Variants in PCDH17 observed in about 807,000 individuals in gnomAD.
PCDH17 encodes the protein protocadherin-17.
Under a neutral mutation model 67.7 loss-of-function variants are expected in PCDH17, and 21 were observed. The observed-to-expected ratio is 0.31, with a 90% CI of 0.22 to 0.45. PCDH17 has a LOEUF of 0.45. Among genes scored for constraint, PCDH17 ranks in the 20% least tolerant of loss-of-function variants. PCDH17 has a pLI of 1.00. For missense variants in PCDH17, 1,471 were observed against 1,564.8 expected, an observed-to-expected ratio of 0.94 and a Z score of 1.01; for synonymous variants, 701 against 656.7, an observed-to-expected ratio of 1.07 and a Z score of -1.03.
At chr13:57,704,838 A>G (rs1955705086) in intron 3 of PCDH17, among the ~76,000 whole-genome samples, 1 of 152,104 alleles carries the variant, frequency 6.6e-6, no homozygotes, top group Non-Finnish European at 1.5e-5. Context: ...GAGGTATGTT[A>G]TGTAACTTGG....
At chr13:57,690,334 G>C (rs1955546950) in intron 3 of PCDH17, among the ~76,000 whole-genome samples, 1 of 151,702 alleles carries the variant, frequency 6.6e-6, no homozygotes, top group East Asian at 1.9e-4. Flanking sequence ...ATCTCTAAAA[G>C]TGGCAACACA....
At chr13:57,643,815 A>T (rs1477424693) in intron 1 of PCDH17, among the ~76,000 whole-genome samples, 1 of 151,598 alleles carries the variant, frequency 6.6e-6, no homozygotes, top group African/African-American at 2.4e-5. Flanking sequence ...TATATTAATG[A>T]ATTTTTTTAT....
chr13:57,720,950 A>T (rs1955867354), intron 3 of PCDH17, among the ~76,000 whole-genome samples: 1 of 152,186 alleles, frequency 6.6e-6, no homozygotes, highest in African/African-American at 2.4e-5. Flanking sequence ...GTGATTCTTA[A>T]TACTAAACAA....
chr13:57,648,827 G>A (rs1415900901), intron 1 of PCDH17, among the ~76,000 whole-genome samples: 2 of 151,986 alleles, frequency 1.3e-5, no homozygotes, highest in East Asian at 3.8e-4. Flanking sequence ...ATTTCAGGTG[G>A]TTATCTTGAG....
At position 57,635,012 on chromosome 13, in the gene PCDH17, C is replaced by T. The variant is rs1566215040; in HGVS notation, c.2466C>T (p.Asn822=). 1 of 1,613,648 alleles carries T rather than the reference C, an allele frequency of 6.2e-7. No individual in the cohort carries two copies. The change falls in exon 1 of 4, where the codon AAC becomes AAT. Residue 822 remains asparagine, a synonymous_variant. Coordinates refer to ENST00000377918, the MANE Select transcript of PCDH17 (RefSeq NM_001040429.3). ...TGTATCTCAAACCGGCCTCCAACAA[C>T]CTGACTGTCCCTCAGGGGCACGCGG... The part of the protein sequence containing the change: ...EVMYLKPASN[N]LTVPQGHAGC...
intron 1 of PCDH17, among the ~76,000 whole-genome samples, chr13:57,656,846 G>C (rs1310405333): frequency 6.6e-6 from 1 of 152,158 alleles, no homozygotes; most frequent in African/African-American, 2.4e-5. Context: ...GTTGGAGTTA[G>C]CAGTCTTTAA....
chr13:57,676,844 A>C (rs900359860), intron 3 of PCDH17, among the ~76,000 whole-genome samples: 1 of 151,906 alleles, frequency 6.6e-6, no homozygotes, highest in Non-Finnish European at 1.5e-5. Flanking sequence ...TTTCTATTTA[A>C]AATAAAATAT....
At chr13:57,660,951 C>G (rs1292008652) in intron 1 of PCDH17, among the ~76,000 whole-genome samples, 1 of 152,074 alleles carries the variant, frequency 6.6e-6, no homozygotes, top group African/African-American at 2.4e-5. Flanking sequence ...GATACCTAGG[C>G]TGATTCCAGT....
At position 57,725,184 on chromosome 13, in the gene PCDH17, C is replaced by A; in HGVS notation, c.3370C>A (p.Pro1124Thr). The A allele has an allele frequency of 1.2e-6, 2 of 1,614,058 alleles. No individual in the cohort carries two copies. The highest frequency in any genetic ancestry group is 2.2e-5 in the East Asian group (1 of 44,860). The change falls in exon 4 of 4, where the codon CCC becomes ACC. Residue 1124 changes from proline (P) to threonine (T), a missense_variant. Physicochemically the swap from Pro to Thr is conservative, Grantham distance 38 (BLOSUM62 -1). Coordinates refer to ENST00000377918, the MANE Select transcript of PCDH17 (RefSeq NM_001040429.3). ...TGCTGTTCTTGAGCAGCTTGACCAC[C>A]CCAACAGGGATCTGGGCAGAGAGTC... Reference protein sequence around the residue: ...MGAVLEQLDHPNRDLGRESVD... With the variant: ...MGAVLEQLDHTNRDLGRESVD...
chr13:57,711,992 T>G (rs1010657475), intron 3 of PCDH17, among the ~76,000 whole-genome samples: 3 of 151,520 alleles, frequency 2.0e-5, no homozygotes, highest in African/African-American at 7.2e-5. Flanking sequence ...ACAACTATAC[T>G]CAATAAGAAA....
At chr13:57,642,626 A>T (rs577596299) in intron 1 of PCDH17, among the ~76,000 whole-genome samples, 1 of 151,694 alleles carries the variant, frequency 6.6e-6, no homozygotes, top group African/African-American at 2.4e-5. Flanking sequence ...ACATCTCATT[A>T]TCTAGGATTT....
At chr13:57,675,335 A>G (rs897755147) in intron 3 of PCDH17, among the ~76,000 whole-genome samples, 5 of 151,946 alleles carry the variant, frequency 3.3e-5, no homozygotes, top group African/African-American at 1.2e-4. Context: ...TCATGGAAAC[A>G]GGAAAGCTTT....
chr13:57,663,474 A>G (rs1239298073), intron 1 of PCDH17, among the ~76,000 whole-genome samples: 1 of 152,202 alleles, frequency 6.6e-6, no homozygotes, highest in Non-Finnish European at 1.5e-5. Context: ...TGGTGCTGTC[A>G]TACATATGGC....
At chr13:57,672,525 A>T (rs577916088) in intron 3 of PCDH17, among the ~76,000 whole-genome samples, 1 of 152,010 alleles carries the variant, frequency 6.6e-6, no homozygotes, top group Non-Finnish European at 1.5e-5. Flanking sequence ...TTTACCATGA[A>T]GGAACTATTT....
At chr13:57,676,074 A>G (rs1955388381) in intron 3 of PCDH17, among the ~76,000 whole-genome samples, 1 of 151,946 alleles carries the variant, frequency 6.6e-6, no homozygotes, top group African/African-American at 2.4e-5. Flanking sequence ...TGTCTAACTA[A>G]ATGGAATATT....
intron 1 of PCDH17, among the ~76,000 whole-genome samples, chr13:57,658,764 GTTTGTTTTGT>G (rs61473114): frequency 4.4e-4 from 66 of 150,124 alleles, no homozygotes; most frequent in East Asian, 1.2e-3. Flanking sequence ...TTTTTCGTTT[GTTTGTTTTGT>G]TTTGTTTTGT....
Position 57,634,833 on chromosome 13 carries a change from A to G in PCDH17, c.2287A>G (p.Asn763Asp). 1 of 1,614,124 alleles carries G rather than the reference A, an allele frequency of 6.2e-7. No individual in the cohort carries two copies. Among genetic ancestry groups the G allele is most frequent in the Non-Finnish European group, 8.5e-7 (1 of 1,180,032 alleles). ...GGGKGKKKKINKNDIMLVQSE... is the reference protein window; with the variant it reads ...GGGKGKKKKIDKNDIMLVQSE... ...GGGCAAGGGCAAGAAGAAGAAGATC[A>G]ACAAAAATGATATCATGCTGGTGCA... Residue 763 changes from asparagine (N) to aspartate (D), a missense_variant, in exon 1 of 4, where the codon AAC becomes GAC. By Grantham distance (23) the Asn-to-Asp change is conservative. Coordinates refer to ENST00000377918, the MANE Select transcript of PCDH17 (RefSeq NM_001040429.3). The surrounding 1 kb of genome is among the most constrained non-coding windows in gnomAD (Gnocchi z 7.8).
At chr13:57,711,319 C>T (rs747032654) in intron 3 of PCDH17, among the ~76,000 whole-genome samples, 2 of 151,866 alleles carry the variant, frequency 1.3e-5, no homozygotes, top group Non-Finnish European at 2.9e-5. Flanking sequence ...ACAAGAAACA[C>T]AGAGCTAGTG....
intron 1 of PCDH17, among the ~76,000 whole-genome samples, chr13:57,637,854 A>C (rs1030822195): frequency 6.6e-6 from 1 of 152,030 alleles, no homozygotes; most frequent in African/African-American, 2.4e-5. Flanking sequence ...GTGTGGGTCA[A>C]AGGGCCTAAA....
Sources: allele counts gnomAD v4.1 joint callset (sites outside exome capture counted in the v4.1 genomes callset), GRCh38; gene constraint gnomAD v4.1.1; non-coding constraint Gnocchi (gnomAD v3.1); transcripts MANE v1.5; gene names NCBI Gene and HGNC (gene_info 2026-07-23, HGNC 2026-07-21).